PRIM2: variants seen among roughly 807,000 people sequenced by gnomAD.
The protein encoded by PRIM2 is DNA primase subunit 2.
Under a neutral mutation model 67.3 loss-of-function variants are expected in PRIM2, and 39 were observed. The ratio of observed to expected loss-of-function variants is 0.58; its 90% CI spans 0.45 to 0.76. The LOEUF is 0.76. PRIM2 is among the 30% of genes least tolerant of loss of function. The pLI is 0.00. For missense variants in PRIM2, 398 were observed against 598.7 expected (o/e 0.66, Z 3.50); for synonymous variants, 143 against 198.7 (o/e 0.72, Z 2.36).
At chr6:57,605,203 G>A (rs1438475961) in intron 11 of PRIM2, among the ~76,000 whole-genome samples, 1 of 152,122 alleles carries the variant, frequency 6.6e-6, no homozygotes, top group African/African-American at 2.4e-5. Flanking sequence ...TTGATTCTAT[G>A]GTCATCAGAG....
intron 1 of PRIM2, 50 bp from the exon 2 acceptor site, chr6:57,318,387 C>A: frequency 6.8e-7 from 1 of 1,478,952 alleles, no homozygotes; most frequent in Non-Finnish European, 9.1e-7. Flanking sequence ...TTTTTTTTCC[C>A]CCAACTTTGT....
chr6:57,433,531 A>G (rs1180957068), intron 7 of PRIM2, among the ~76,000 whole-genome samples: 1 of 152,028 alleles, frequency 6.6e-6, no homozygotes, highest in Non-Finnish European at 1.5e-5. Context: ...TATTTTGTCC[A>G]CTTTCGGAAT....
At chr6:57,325,326 G>A (rs1440781339) in intron 4 of PRIM2, among the ~76,000 whole-genome samples, 4 of 148,408 alleles carry the variant, frequency 2.7e-5, no homozygotes, top group Non-Finnish European at 4.4e-5. Context: ...TTGAGCTAGG[G>A]TCTCATGCCA....
intron 7 of PRIM2, among the ~76,000 whole-genome samples, chr6:57,486,466 G>A (rs1390768619): frequency 1.3e-5 from 2 of 152,208 alleles, no homozygotes; most frequent in African/African-American, 2.4e-5. Flanking sequence ...TAAAGAATGG[G>A]CTGGAGGCAG....
At chr6:57,505,729 G>C (rs1774237139) in intron 7 of PRIM2, among the ~76,000 whole-genome samples, 1 of 152,182 alleles carries the variant, frequency 6.6e-6, no homozygotes, top group Non-Finnish European at 1.5e-5. Context: ...CTGAAATTAA[G>C]ATGAAGGGGT....
intron 10 of PRIM2, among the ~76,000 whole-genome samples, chr6:57,569,041 C>T (rs1358154353): frequency 6.6e-6 from 1 of 152,186 alleles, no homozygotes; most frequent in African/African-American, 2.4e-5. Context: ...TTAGGATGAG[C>T]TATATTGGTT....
intron 9 of PRIM2, among the ~76,000 whole-genome samples, chr6:57,532,992 C>T (rs1218081944): frequency 1.3e-5 from 2 of 152,052 alleles, no homozygotes; most frequent in African/African-American, 4.8e-5. Context: ...CCTGGTGTCT[C>T]TTCTTTTTGT....
intron 7 of PRIM2, among the ~76,000 whole-genome samples, chr6:57,436,018 C>T (rs539808060): frequency 6.6e-6 from 1 of 152,266 alleles, no homozygotes; most frequent in Non-Finnish European, 1.5e-5. Flanking sequence ...ATCCCCTTTT[C>T]GTTGATAAAA....
At chr6:57,512,027 T>G (rs1774382936) in intron 8 of PRIM2, among the ~76,000 whole-genome samples, 1 of 152,188 alleles carries the variant, frequency 6.6e-6, no homozygotes, top group Admixed American at 6.5e-5. Flanking sequence ...ACCCACAGAA[T>G]ATCAGTGTTT....
the PRIM2 span, among the ~76,000 whole-genome samples, chr6:57,246,663 A>G: frequency 1.3e-5 from 2 of 152,132 alleles, no homozygotes; most frequent in South Asian, 4.1e-4. Context: ...GAGAGAAGAG[A>G]GAACACTGTG....
intron 10 of PRIM2, among the ~76,000 whole-genome samples, chr6:57,594,161 A>G (rs1398668316): frequency 2.0e-5 from 3 of 152,252 alleles, no homozygotes; most frequent in Non-Finnish European, 4.4e-5. Context: ...TGATGACTTG[A>G]AAGTCTTTCT....
At chr6:57,467,191 C>T (rs1200201712) in intron 7 of PRIM2, among the ~76,000 whole-genome samples, 6 of 149,646 alleles carry the variant, frequency 4.0e-5, no homozygotes, top group Non-Finnish European at 8.9e-5. Flanking sequence ...GTCATGAAGT[C>T]TTTGCCCATC....
chr6:57,630,811 A>G (rs1171414936), intron 12 of PRIM2, among the ~76,000 whole-genome samples: 1 of 152,212 alleles, frequency 6.6e-6, no homozygotes, highest in African/African-American at 2.4e-5. Context: ...CTGTGTGAAG[A>G]GCATCAGACA....
At chr6:57,303,326 A>G in the PRIM2 span, among the ~76,000 whole-genome samples, 5 of 152,124 alleles carry the variant, frequency 3.3e-5, no homozygotes, top group Non-Finnish European at 5.9e-5. Context: ...GCAATAGATT[A>G]TCATGTGAAT....
chr6:57,343,046 AT>A (rs1768543560), intron 5 of PRIM2, among the ~76,000 whole-genome samples: 1 of 152,186 alleles, frequency 6.6e-6, no homozygotes, highest in Admixed American at 6.5e-5. Flanking sequence ...TCAATTATGA[AT>A]TTATTAGGAG....
intron 7 of PRIM2, chr6:57,383,008 ACT>A (rs1770014992): frequency 6.6e-6 from 1 of 152,066 alleles, no homozygotes. Context: ...TAAAATACTA[ACT>A]CTGTGTTTAT....
At chr6:57,454,766 T>C (rs1430172412) in intron 7 of PRIM2, among the ~76,000 whole-genome samples, 9 of 152,228 alleles carry the variant, frequency 5.9e-5, no homozygotes, top group African/African-American at 1.4e-4. Flanking sequence ...TTGAAGGGTT[T>C]TTTTGTGTCT....
At chr6:57,334,689 C>T (rs926869060) in intron 5 of PRIM2, among the ~76,000 whole-genome samples, 2 of 152,042 alleles carry the variant, frequency 1.3e-5, no homozygotes, top group African/African-American at 2.4e-5. Context: ...ACGATTTTCA[C>T]CTCACAGATT....
At chr6:57,401,378 T>C (rs1043494312) in intron 7 of PRIM2, among the ~76,000 whole-genome samples, 2 of 152,200 alleles carry the variant, frequency 1.3e-5, no homozygotes, top group African/African-American at 4.8e-5. Flanking sequence ...GAGGAGGGTA[T>C]ATTAGCAAGC....
Sources: gnomAD v4.1 joint callset for allele counts (sites outside exome capture counted in the v4.1 genomes callset) on GRCh38, gnomAD v4.1.1 for gene constraint, MANE v1.5 for transcripts, NCBI Gene and HGNC (gene_info 2026-07-23, HGNC 2026-07-21) for gene names.